SPATA16: variants seen among roughly 807,000 people sequenced by gnomAD.
SPATA16 encodes the protein spermatogenesis associated 16.
SPATA16 carries 36 observed loss-of-function variants against 63.3 expected under a neutral mutation model. The ratio of observed to expected loss-of-function variants is 0.57; its 90% CI spans 0.44 to 0.75. The LOEUF is 0.75. Ranked by LOEUF, SPATA16 falls within the 30% of genes least tolerant of loss-of-function variation. The pLI, the probability that SPATA16 is intolerant of heterozygous loss-of-function variation, is 0.00. For missense variants in SPATA16, 646 were observed against 679.3 expected (o/e 0.95, Z 0.54); for synonymous variants, 203 against 216.7 (o/e 0.94, Z 0.56).
chr3:173,088,130 G>A (rs1036223642), intron 2 of SPATA16, among the ~76,000 whole-genome samples: 3 of 141,604 alleles, frequency 2.1e-5, no homozygotes, highest in Admixed American at 1.5e-4. Context: ...CTGTTGCCAG[G>A]CTGAACTGCA....
chr3:172,986,869 A>G (rs904477662), intron 4 of SPATA16, among the ~76,000 whole-genome samples: 1 of 152,104 alleles, frequency 6.6e-6, no homozygotes, highest in East Asian at 1.9e-4. Flanking sequence ...ATTCTGGGGG[A>G]CAGCAGACAA....
intron 2 of SPATA16, among the ~76,000 whole-genome samples, chr3:173,106,906 GATA>G (rs1381696248): frequency 4.6e-5 from 7 of 151,986 alleles, no homozygotes; most frequent in Non-Finnish European, 8.8e-5. Context: ...CTTTAATAAG[GATA>G]ATAAGAGTTT....
intron 2 of SPATA16, among the ~76,000 whole-genome samples, chr3:173,094,424 G>A (rs1004988861): frequency 6.6e-6 from 1 of 152,142 alleles, no homozygotes; most frequent in African/African-American, 2.4e-5. Context: ...TAGTTGTGAA[G>A]ATTCAGTAAA....
At chr3:173,054,719 A>G (rs1461771256) in intron 2 of SPATA16, among the ~76,000 whole-genome samples, 1 of 152,084 alleles carries the variant, frequency 6.6e-6, no homozygotes, top group African/African-American at 2.4e-5. Context: ...TATGCAACAA[A>G]CCTGTACGTT....
intron 5 of SPATA16, among the ~76,000 whole-genome samples, chr3:172,960,180 A>G (rs1253997422): frequency 6.6e-6 from 1 of 152,194 alleles, no homozygotes; most frequent in Admixed American, 6.5e-5. Context: ...TGCTGGTTGT[A>G]AAAAATAAGC....
intron 4 of SPATA16, among the ~76,000 whole-genome samples, chr3:172,990,774 A>T (rs1286804516): frequency 1.3e-5 from 2 of 152,166 alleles, no homozygotes; most frequent in Admixed American, 1.3e-4. Context: ...GTCCACTTCT[A>T]AGAGAAAATG....
At chr3:173,023,144 TG>T (rs1735374612) in intron 3 of SPATA16, among the ~76,000 whole-genome samples, 13 of 150,860 alleles carry the variant, frequency 8.6e-5, no homozygotes, top group South Asian at 6.2e-4. Context: ...TGTATGTGTG[TG>T]TGTGTGTGTG....
In SPATA16 at chr3:173,070,394, C is replaced by CAA. The variant is rs34180269; in HGVS notation, c.613-21302_613-21301dup. Reference sequence around the variant, plus strand: ...TGGGCAACAGAACAAGACTCTGTCTCAAAAAAAAAAAAAAAAAAAGATGCC... The same window carrying CAA: ...TGGGCAACAGAACAAGACTCTGTCTCAAAAAAAAAAAAAAAAAAAAAGATGCC... On this transcript the variant is annotated intron_variant, in intron 2 of 10. Coordinates refer to ENST00000351008, the MANE Select transcript of SPATA16 (RefSeq NM_031955.6). Among the ~76,000 whole-genome samples the CAA allele has an allele frequency of 6.5e-4, 60 of 92,966 alleles. 1 individual carries two copies. Among genetic ancestry groups the CAA allele is most frequent in the African/African-American group, 2.0e-3 (56 of 28,024 alleles). 61.0% of individuals were successfully genotyped at this position (92,966 alleles called of 152,430 possible). A position where few individuals can be genotyped will look rare whatever the true frequency, so the allele number is the denominator to read the frequency against.
intron 6 of SPATA16, among the ~76,000 whole-genome samples, chr3:172,956,139 G>T (rs1443266673): frequency 6.6e-6 from 1 of 152,032 alleles, no homozygotes; most frequent in African/African-American, 2.4e-5. Flanking sequence ...ATGAGAATGA[G>T]AACAAGTGAT....
At chr3:173,068,478 A>G (rs558160973) in intron 2 of SPATA16, among the ~76,000 whole-genome samples, 1 of 152,352 alleles carries the variant, frequency 6.6e-6, no homozygotes, top group East Asian at 1.9e-4. Flanking sequence ...TAGTAACCAC[A>G]AAACAAAACC....
At chr3:173,115,777 G>A (rs1400648252) in intron 2 of SPATA16, among the ~76,000 whole-genome samples, 1 of 152,050 alleles carries the variant, frequency 6.6e-6, no homozygotes, top group Non-Finnish European at 1.5e-5. Flanking sequence ...TAACCTGCAA[G>A]TAACAATGAA....
chr3:173,101,293 G>T (rs1171256826), intron 2 of SPATA16, among the ~76,000 whole-genome samples: 2 of 152,118 alleles, frequency 1.3e-5, no homozygotes, highest in Non-Finnish European at 2.9e-5. Context: ...CATTCCAATT[G>T]TGCTGGAAAT....
intron 2 of SPATA16, among the ~76,000 whole-genome samples, chr3:173,057,142 C>T (rs1246885907): frequency 1.0e-3 from 144 of 143,644 alleles, no homozygotes; most frequent in African/African-American, 3.2e-3. Flanking sequence ...GGCAGATTCT[C>T]GCTCTGTGGC....
At chr3:173,010,643 CT>C (rs1299469579) in intron 4 of SPATA16, among the ~76,000 whole-genome samples, 1 of 152,140 alleles carries the variant, frequency 6.6e-6, no homozygotes, top group African/African-American at 2.4e-5. Context: ...AGCCAGACTG[CT>C]TTTCGCTTGA....
At chr3:172,943,188 G>A (rs567133845) in intron 6 of SPATA16, among the ~76,000 whole-genome samples, 7 of 152,052 alleles carry the variant, frequency 4.6e-5, no homozygotes, top group Non-Finnish European at 8.8e-5. Context: ...GGAGTTAAAC[G>A]TAAGAAAAAG....
At chr3:173,069,124 AAAG>A (rs1736605313) in intron 2 of SPATA16, among the ~76,000 whole-genome samples, 4 of 151,206 alleles carry the variant, frequency 2.6e-5, no homozygotes, top group African/African-American at 7.3e-5. Flanking sequence ...AAAAAAAAAA[AAAG>A]AAAGAAAGAA....
intron 1 of SPATA16, among the ~76,000 whole-genome samples, chr3:173,118,160 C>T (rs1047801927): frequency 6.6e-6 from 1 of 152,302 alleles, no homozygotes; most frequent in African/African-American, 2.4e-5. Flanking sequence ...AAATACACTA[C>T]TCACCTGAAT....
At chr3:173,060,156 C>G (rs963750535) in intron 2 of SPATA16, among the ~76,000 whole-genome samples, 8 of 152,030 alleles carry the variant, frequency 5.3e-5, no homozygotes, top group African/African-American at 1.9e-4. Flanking sequence ...ACTCGGGAGG[C>G]TGAGGCAGGA....
intron 1 of SPATA16, among the ~76,000 whole-genome samples, chr3:173,134,679 A>G (rs1241775535): frequency 6.6e-6 from 1 of 152,180 alleles, no homozygotes; most frequent in Non-Finnish European, 1.5e-5. Context: ...AGCCAAATAA[A>G]CTTATTTTTA....
Sources: gnomAD v4.1 joint callset for allele counts (sites outside exome capture counted in the v4.1 genomes callset) on GRCh38, gnomAD v4.1.1 for gene constraint, MANE v1.5 for transcripts, NCBI Gene and HGNC (gene_info 2026-07-23, HGNC 2026-07-21) for gene names.